ROBO2: variants seen among roughly 807,000 people sequenced by gnomAD.
ROBO2 encodes roundabout homolog 2.
A neutral mutation model predicts 160.8 loss-of-function variants in ROBO2; 53 were observed. The observed-to-expected ratio is 0.33, with a 90% CI of 0.26 to 0.41. The LOEUF (loss-of-function observed/expected upper bound fraction) is 0.41. Among genes scored for constraint, ROBO2 ranks in the 10% least tolerant of loss-of-function variants. The pLI, the probability that ROBO2 is intolerant of heterozygous loss-of-function variation, is 1.00. For synonymous variants in ROBO2, 664 were observed against 611.7 expected (o/e 1.09, Z -1.26); for missense variants, 1,577 against 1,722.4 (o/e 0.92, Z 1.49).
intron 6 of ROBO2, among the ~76,000 whole-genome samples, chr3:77,530,502 G>C (rs2091607467): frequency 6.6e-6 from 1 of 152,008 alleles, no homozygotes; most frequent in Non-Finnish European, 1.5e-5. Flanking sequence ...CCTCTGGCCT[G>C]TATTCAGAGT....
chr3:75,966,433 A>C (rs2107321049), intron 2 of ROBO2, among the ~76,000 whole-genome samples: 1 of 151,882 alleles, frequency 6.6e-6, no homozygotes, highest in Non-Finnish European at 1.5e-5. Context: ...TAATGCTTTT[A>C]TCAATTTAAT....
chr3:77,648,529 T>C (rs1355371247), exon 26 of ROBO2: 4 of 152,234 alleles, frequency 2.6e-5, no homozygotes, highest in African/African-American at 9.6e-5. Flanking sequence ...TGGAATGTTC[T>C]TTCAGAATAG....
intron 2 of ROBO2, among the ~76,000 whole-genome samples, chr3:76,272,444 C>A (rs1305921693): frequency 2.0e-5 from 3 of 151,638 alleles, no homozygotes; most frequent in Non-Finnish European, 4.4e-5. Context: ...GTGGGTGGAT[C>A]ATGAGGTCAA....
chr3:76,967,809 T>C (rs1469581008), intron 2 of ROBO2, among the ~76,000 whole-genome samples: 1 of 152,120 alleles, frequency 6.6e-6, no homozygotes, highest in African/African-American at 2.4e-5. Flanking sequence ...CAACCGAAAG[T>C]GTTAGGTTTA....
chr3:76,843,183 A>T (rs944476428), intron 2 of ROBO2, among the ~76,000 whole-genome samples: 1 of 150,210 alleles, frequency 6.7e-6, no homozygotes, highest in Non-Finnish European at 1.5e-5. Flanking sequence ...ATGTTTTGTT[A>T]TATAATTTAT....
intron 2 of ROBO2, among the ~76,000 whole-genome samples, chr3:77,122,775 T>C (rs1243934840): frequency 6.6e-6 from 1 of 152,222 alleles, no homozygotes; most frequent in African/African-American, 2.4e-5. Context: ...TTGTCTTGTG[T>C]TCCCTCATTC....
At chr3:77,071,362 A>G (rs2067393516) in intron 1 of ROBO2, among the ~76,000 whole-genome samples, 1 of 152,220 alleles carries the variant, frequency 6.6e-6, no homozygotes, top group Non-Finnish European at 1.5e-5. Flanking sequence ...TTAAATTAAA[A>G]TGAAACCGGT....
rs1388981467 is a variant in ROBO2, at chr3:77,294,164, C to G, written c.389-183250C>G. ...TAAAATTGATGGTTAAACGGGTAAG[C>G]TGAGGCTAGATCACCCCAGATGTGA... On this transcript the variant is annotated intron_variant, in intron 2 of 25. Coordinates refer to ENST00000461745, the Ensembl canonical transcript of ROBO2. Among the ~76,000 whole-genome samples the G allele has an allele frequency of 2.1e-5, 3 of 142,460 alleles. 1 individual carries two copies. The highest frequency in any genetic ancestry group is 8.0e-5 in the African/African-American group (3 of 37,400). 93.5% of individuals were successfully genotyped at this position (142,460 alleles called of 152,430 possible). A position where few individuals can be genotyped will look rare whatever the true frequency, so the allele number is the denominator to read the frequency against.
intron 2 of ROBO2, among the ~76,000 whole-genome samples, chr3:77,400,293 A>G (rs928980380): frequency 6.6e-6 from 1 of 152,166 alleles, no homozygotes; most frequent in African/African-American, 2.4e-5. Context: ...AGACAAACAG[A>G]GCTATTAAAA....
chr3:75,994,690 A>G (rs2065674588), intron 2 of ROBO2, among the ~76,000 whole-genome samples: 1 of 152,234 alleles, frequency 6.6e-6, no homozygotes, highest in Admixed American at 6.5e-5. Context: ...AATTGGCACC[A>G]GGAGTCACGT....
chr3:76,713,962 TA>T (rs34540306), intron 2 of ROBO2, among the ~76,000 whole-genome samples: 49 of 148,010 alleles, frequency 3.3e-4, no homozygotes, highest in African/African-American at 6.5e-4. Context: ...ATTTTAAAAG[TA>T]AAAAAAAAAA....
At chr3:77,208,183 C>A (rs2151073757) in intron 2 of ROBO2, among the ~76,000 whole-genome samples, 1 of 152,286 alleles carries the variant, frequency 6.6e-6, no homozygotes, top group East Asian at 1.9e-4. Flanking sequence ...ATGACCTTGT[C>A]TACTCATTTA....
intron 2 of ROBO2, among the ~76,000 whole-genome samples, chr3:76,568,609 T>A (rs942573300): frequency 6.6e-6 from 1 of 152,062 alleles, no homozygotes; most frequent in Non-Finnish European, 1.5e-5. Context: ...CCTGGCCACA[T>A]TGCTTTTCTT....
chr3:77,170,952 A>T (rs775711504), intron 2 of ROBO2, among the ~76,000 whole-genome samples: 16 of 152,134 alleles, frequency 1.1e-4, no homozygotes, highest in Non-Finnish European at 2.2e-4. Flanking sequence ...GAACAAAAAA[A>T]GTCTGTTTCT....
intron 2 of ROBO2, among the ~76,000 whole-genome samples, chr3:76,609,580 C>G (rs890157004): frequency 6.6e-6 from 1 of 151,848 alleles, no homozygotes; most frequent in Non-Finnish European, 1.5e-5. Context: ...TATCCTGCAA[C>G]TTTACTGAAT....
At chr3:77,133,236 T>C (rs1204420767) in intron 2 of ROBO2, among the ~76,000 whole-genome samples, 3 of 152,104 alleles carry the variant, frequency 2.0e-5, no homozygotes, top group African/African-American at 7.2e-5. Flanking sequence ...GAATAAAAAT[T>C]TTCCATTTTT....
chr3:77,599,769 T>C (rs943824962), intron 19 of ROBO2, among the ~76,000 whole-genome samples: 14 of 152,258 alleles, frequency 9.2e-5, no homozygotes, highest in African/African-American at 3.4e-4. Context: ...TAAATCCATA[T>C]TTTATCAAAG....
At chr3:76,418,944 T>A (rs1223866349) in intron 2 of ROBO2, among the ~76,000 whole-genome samples, 1 of 152,182 alleles carries the variant, frequency 6.6e-6, no homozygotes, top group Non-Finnish European at 1.5e-5. Context: ...CAGTACAATC[T>A]TCTTTTTGTT....
intron 2 of ROBO2, among the ~76,000 whole-genome samples, chr3:77,327,653 G>A (rs2065546034): frequency 6.6e-6 from 1 of 152,150 alleles, no homozygotes; most frequent in Non-Finnish European, 1.5e-5. Context: ...CCCAACTGAA[G>A]ATAGAAGTGG....
Sources: gnomAD v4.1 joint callset for allele counts (sites outside exome capture counted in the v4.1 genomes callset) on GRCh38, gnomAD v4.1.1 for gene constraint, MANE v1.5 for transcripts, NCBI Gene and HGNC (gene_info 2026-07-23, HGNC 2026-07-21) for gene names.